The following MAPK8 variants were observed in gnomAD, a reference collection of about 807,000 sequenced individuals.
MAPK8 encodes mitogen-activated protein kinase 8.
MAPK8 carries 13 observed loss-of-function variants against 52.9 expected under a neutral mutation model. The observed-to-expected ratio is 0.25, with a 90% CI of 0.16 to 0.39. The LOEUF (loss-of-function observed/expected upper bound fraction) is 0.39. MAPK8 is among the 10% of genes least tolerant of loss of function. MAPK8 has a pLI of 1.00. For missense variants in MAPK8, 300 were observed against 519.2 expected, an observed-to-expected ratio of 0.58 and a Z score of 4.10; for synonymous variants, 191 against 169.8, an observed-to-expected ratio of 1.12 and a Z score of -0.97.
chr10:48,411,487 G>A (rs757437951), intron 5 of MAPK8, among the ~76,000 whole-genome samples: 2 of 152,154 alleles, frequency 1.3e-5, no homozygotes, highest in Non-Finnish European at 2.9e-5. Context: ...GCCTGACCAT[G>A]TATTATACTA....
At chr10:48,408,407 A>G (rs1010254449) in intron 3 of MAPK8, among the ~76,000 whole-genome samples, 26 of 152,226 alleles carry the variant, frequency 1.7e-4, no homozygotes, top group Admixed American at 3.3e-4. Flanking sequence ...TTCACCTGGA[A>G]GATAATTAAG....
rs746642373 is a variant in MAPK8 at position 48,404,872 on chromosome 10, T to C, written c.143T>C (p.Leu48Pro). The C allele has an allele frequency of 6.2e-6, 10 of 1,606,906 alleles. No individual in the cohort carries two copies. The East Asian group carries it at 2.2e-4, about 36-fold the overall frequency. ...TACAGCGCAGCTTATGATGCCATTC[T>C]TGAAAGAAATGTTGCAATCAAGAAG... ...GIVCAAYDAI[L>P]ERNVAIKKLS... Residue 48 changes from leucine to proline, a missense_variant, in exon 3 of 12, where the codon CTT becomes CCT. Physicochemically the swap from Leu to Pro is moderately conservative, Grantham distance 98 (BLOSUM62 -3). Around this residue, in one of 3 missense-constraint regions of MAPK8, gnomAD observed 147 missense variants for 328.1 expected, o/e 0.45. Transcript: ENST00000374189.
chr10:48,434,796 A>G (rs2044711602), intron 11 of MAPK8, 88 bp from the exon 12 acceptor site: 5 of 1,210,186 alleles, frequency 4.1e-6, no homozygotes, highest in Non-Finnish European at 5.6e-6. Context: ...AGAGAAAAAA[A>G]TTACCACTGG....
intron 1 of MAPK8, among the ~76,000 whole-genome samples, chr10:48,387,096 A>G (rs781004837): frequency 5.3e-5 from 8 of 152,222 alleles, no homozygotes; most frequent in African/African-American, 1.7e-4. Flanking sequence ...AATTAAATCT[A>G]TTTTATGAAT....
intron 1 of MAPK8, among the ~76,000 whole-genome samples, chr10:48,389,945 A>T (rs533391427): frequency 6.1e-4 from 93 of 152,240 alleles, no homozygotes; most frequent in Admixed American, 3.6e-3. Flanking sequence ...TCATGTGGGT[A>T]TGGAGGTTCA....
chr10:48,356,065 G>T (rs1487397785), intron 1 of MAPK8, among the ~76,000 whole-genome samples: 1 of 113,508 alleles, frequency 8.8e-6, no homozygotes, highest in South Asian at 2.5e-4. Flanking sequence ...GTGTACTCTA[G>T]GCATGAAGAA....
chr10:48,415,691 G>A (rs922783808), intron 5 of MAPK8, among the ~76,000 whole-genome samples: 7 of 152,090 alleles, frequency 4.6e-5, no homozygotes, highest in African/African-American at 1.2e-4. Flanking sequence ...GGTCAGAGAG[G>A]AAGTGTTCCT....
chr10:48,357,581 A>G (rs897906813), intron 1 of MAPK8, among the ~76,000 whole-genome samples: 9 of 152,038 alleles, frequency 5.9e-5, no homozygotes, highest in African/African-American at 2.2e-4. Flanking sequence ...ATTTTTTAAT[A>G]GAGATGGAGT....
chr10:48,309,899 C>T (rs1841806459), intron 1 of MAPK8, among the ~76,000 whole-genome samples: 1 of 152,198 alleles, frequency 6.6e-6, no homozygotes, highest in Non-Finnish European at 1.5e-5. Flanking sequence ...GTCATTATAA[C>T]CACATAGCTT....
chr10:48,409,727 A>G (rs1040168169), intron 3 of MAPK8, 152 bp from the exon 4 acceptor site: 5 of 613,926 alleles, frequency 8.1e-6, no homozygotes, highest in East Asian at 5.6e-5. Flanking sequence ...TAAAGTTGCA[A>G]TATATAAAAT....
chr10:48,369,757 T>G (rs1252980067), intron 1 of MAPK8, among the ~76,000 whole-genome samples: 1 of 152,114 alleles, frequency 6.6e-6, no homozygotes, highest in Non-Finnish European at 1.5e-5. Context: ...GAGTATGCAG[T>G]GTTTTTAGAA....
At chr10:48,423,196 TC>T (rs2043468268) in intron 6 of MAPK8, among the ~76,000 whole-genome samples, 1 of 152,214 alleles carries the variant, frequency 6.6e-6, no homozygotes, top group Admixed American at 6.5e-5. Flanking sequence ...ATTGTCTGTT[TC>T]TGTGTCTAGC....
chr10:48,388,339 A>G (rs998969913), intron 1 of MAPK8, among the ~76,000 whole-genome samples: 1 of 152,126 alleles, frequency 6.6e-6, no homozygotes, highest in African/African-American at 2.4e-5. Context: ...AGTTTTCATT[A>G]TTTCCCTTTT....
chr10:48,364,623 A>G (rs969946757), intron 1 of MAPK8, among the ~76,000 whole-genome samples: 2 of 152,188 alleles, frequency 1.3e-5, no homozygotes, highest in African/African-American at 4.8e-5. Context: ...TGAAGAAACT[A>G]AGGAATCAGA....
chr10:48,316,998 A>G (rs146067774), intron 1 of MAPK8, among the ~76,000 whole-genome samples: 75 of 152,242 alleles, frequency 4.9e-4, no homozygotes, highest in African/African-American at 1.7e-3. Flanking sequence ...TGCTTTATGT[A>G]TGTTAAATTG....
intron 1 of MAPK8, among the ~76,000 whole-genome samples, chr10:48,337,937 A>G (rs981877780): frequency 2.3e-4 from 35 of 152,256 alleles, no homozygotes; most frequent in African/African-American, 8.2e-4. Context: ...AACGAGTTAT[A>G]ACGTTGAATA....
chr10:48,315,981 G>T (rs909161704), intron 1 of MAPK8, among the ~76,000 whole-genome samples: 1 of 152,156 alleles, frequency 6.6e-6, no homozygotes, highest in Non-Finnish European at 1.5e-5. Flanking sequence ...ATTAGGGAGG[G>T]ATTATGGGAA....
intron 1 of MAPK8, among the ~76,000 whole-genome samples, chr10:48,326,529 A>G (rs1345039873): frequency 2.0e-5 from 3 of 152,162 alleles, no homozygotes; most frequent in Admixed American, 6.5e-5. Context: ...AGAAACAAAG[A>G]TCTAGGTGCC....
chr10:48,396,655 A>C (rs1246828080), intron 1 of MAPK8, among the ~76,000 whole-genome samples: 1 of 152,220 alleles, frequency 6.6e-6, no homozygotes, highest in Non-Finnish European at 1.5e-5. Flanking sequence ...CAGCTTTGTC[A>C]TAGCCAGCAA....
Sources: gnomAD v4.1 joint callset for allele counts (sites outside exome capture counted in the v4.1 genomes callset) on GRCh38, gnomAD v4.1.1 for gene constraint, gnomAD v4.1.1 regional missense constraint, MANE v1.5 for transcripts, NCBI Gene and HGNC (gene_info 2026-07-23, HGNC 2026-07-21) for gene names.